PLEK: variants seen among roughly 807,000 people sequenced by gnomAD.
The protein encoded by PLEK is platelet 47 kDa protein.
Under a neutral mutation model 43.9 loss-of-function variants are expected in PLEK, and 25 were observed. That is an observed-to-expected ratio of 0.57 (90% CI 0.41 to 0.79). The LOEUF (loss-of-function observed/expected upper bound fraction) is 0.79. Ranked by LOEUF, PLEK falls within the 30% of genes least tolerant of loss-of-function variation. The pLI, the probability that PLEK is intolerant of heterozygous loss-of-function variation, is 0.00. For synonymous variants in PLEK, 152 were observed against 144.4 expected (o/e 1.05, Z -0.38); for missense variants, 396 against 413.3 (o/e 0.96, Z 0.36).
At chr2:68,365,794 T>C (rs1222978586) in intron 1 of PLEK, among the ~76,000 whole-genome samples, 3 of 152,186 alleles carry the variant, frequency 2.0e-5, no homozygotes, top group East Asian at 1.9e-4. Flanking sequence ...AGTTCTTTTT[T>C]TGGGAGGCAA....
intron 3 of PLEK, among the ~76,000 whole-genome samples, chr2:68,382,207 C>A (rs1291438368): frequency 6.6e-6 from 1 of 152,120 alleles, no homozygotes; most frequent in African/African-American, 2.4e-5. Flanking sequence ...ACCCTAGGAA[C>A]CTTTCATCTT....
At chr2:68,376,660 T>C (rs914875969) in intron 1 of PLEK, among the ~76,000 whole-genome samples, 1 of 152,182 alleles carries the variant, frequency 6.6e-6, no homozygotes, top group Admixed American at 6.5e-5. Flanking sequence ...TAGGTATATG[T>C]ATTTATAGGG....
At chr2:68,375,081 T>C (rs1673477467) in intron 1 of PLEK, among the ~76,000 whole-genome samples, 1 of 152,178 alleles carries the variant, frequency 6.6e-6, no homozygotes, top group South Asian at 2.1e-4. Context: ...AAAGGACATA[T>C]ATGTGTTTAG....
chr2:68,373,627 T>C (rs375097269), intron 1 of PLEK, among the ~76,000 whole-genome samples: 58 of 151,710 alleles, frequency 3.8e-4, no homozygotes, highest in Middle Eastern at 3.5e-3. Context: ...ATTGGACAGT[T>C]GGCTCCAGAG....
chr2:68,367,340 G>A (rs551778815), intron 1 of PLEK, among the ~76,000 whole-genome samples: 28 of 152,028 alleles, frequency 1.8e-4, no homozygotes, highest in African/African-American at 6.8e-4. Flanking sequence ...CCTGTGACAG[G>A]CGTTTGTTGT....
rs1308129633 is a variant in PLEK, at chr2:68,380,905, G to T, written c.380+1G>T. 6.2e-7 allele frequency: 1 copy of T among 1,611,202 alleles called. No individual in the cohort carries two copies. The highest frequency in any genetic ancestry group is 1.7e-5 in the Admixed American group (1 of 59,638). ...GACTGCCAGAAACCATTGACTTAGGGTGATTTTCTGTGTTTACTTCTCTTT... is the reference window on the plus strand; with the variant it reads ...GACTGCCAGAAACCATTGACTTAGGTTGATTTTCTGTGTTTACTTCTCTTT... On this transcript the variant is annotated splice_donor_variant, in intron 3 of 8. Coordinates refer to ENST00000234313, the MANE Select transcript of PLEK (RefSeq NM_002664.3). LOFTEE classifies it high-confidence loss of function.
intron 6 of PLEK, 124 bp from the exon 7 acceptor site, chr2:68,393,038 G>T: frequency 1.4e-6 from 1 of 735,008 alleles, no homozygotes; most frequent in Admixed American, 1.9e-5. Context: ...TGTTATCCTG[G>T]AGTTAGTATT....
At chr2:68,371,566 A>G (rs1044027132) in intron 1 of PLEK, among the ~76,000 whole-genome samples, 2 of 152,228 alleles carry the variant, frequency 1.3e-5, no homozygotes, top group Admixed American at 1.3e-4. Flanking sequence ...TCATCTCCCA[A>G]CAAAGCTGAG....
rs769177400 is a variant in PLEK, at chr2:68,380,443, G to A, written c.158G>A (p.Ser53Asn). ...SPKGMIPLKG[S>N]TLTSPCQDFG... ...AAAGGAATGATCCCGCTGAAAGGGA[G>A]CACTCTGACTAGCCCTTGTCAAGAC... The change falls in exon 2 of 9, where the codon AGC becomes AAC. Residue 53 changes from serine to asparagine, a missense_variant. Coordinates refer to ENST00000234313, the MANE Select transcript of PLEK (RefSeq NM_002664.3). The A allele has an allele frequency of 1.2e-6, 2 of 1,613,990 alleles. No homozygotes were observed. The highest frequency in any genetic ancestry group is 2.2e-5 in the East Asian group (1 of 44,874).
intron 7 of PLEK, 102 bp from the exon 8 acceptor site, chr2:68,394,005 C>T: frequency 2.6e-6 from 2 of 768,906 alleles, no homozygotes; most frequent in African/African-American, 1.7e-5. Flanking sequence ...TTTGGGGGGC[C>T]CTGATCTATA....
chr2:68,386,371 T>A (rs1238428661), intron 4 of PLEK, 131 bp from the exon 5 acceptor site: 1 of 614,880 alleles, frequency 1.6e-6, no homozygotes, highest in Admixed American at 3.2e-5. Context: ...TTTTGTTTTC[T>A]CTTTCTTGAA....
At chr2:68,388,283 G>A in intron 5 of PLEK, 104 bp from the exon 6 acceptor site, 1 of 704,390 alleles carries the variant, frequency 1.4e-6, no homozygotes, top group South Asian at 1.6e-5. Flanking sequence ...GAGGAAAAAG[G>A]AGGAGGCTGC....
At chr2:68,371,081 C>T (rs1673391550) in intron 1 of PLEK, among the ~76,000 whole-genome samples, 1 of 152,130 alleles carries the variant, frequency 6.6e-6, no homozygotes, top group Non-Finnish European at 1.5e-5. Context: ...AGAGGGACAG[C>T]AGGCACCTTG....
At chr2:68,394,037 CA>C (rs1395583278) in intron 7 of PLEK, 69 bp from the exon 8 acceptor site, 1 of 1,007,328 alleles carries the variant, frequency 9.9e-7, no homozygotes, top group Non-Finnish European at 1.6e-6. Context: ...CTGGCTTTTT[CA>C]CCAAGAGGAT....
At position 68,377,698 on chromosome 2, in the gene PLEK, A is replaced by G. The variant is rs145506702; in HGVS notation, c.43-2630A>G. The stretch of plus-strand genomic sequence containing the variant: ...TCCTTTGTCAGATGGGTAGTTTGCA[A>G]ATATTTTCTGTCATTCTGTGGGTTG... On this transcript the variant is annotated intron_variant, in intron 1 of 8. Transcript: ENST00000234313. Among the ~76,000 whole-genome samples the G allele has an allele frequency of 3.7e-4, 56 of 152,238 alleles. No individual in the cohort carries two copies. The East Asian group carries it at 0.011, about 29-fold the overall frequency.
At chr2:68,381,133 C>CAGAGAG (rs10538878) in intron 3 of PLEK, among the ~76,000 whole-genome samples, 1 of 150,090 alleles carries the variant, frequency 6.7e-6, no homozygotes, top group African/African-American at 2.5e-5. Flanking sequence ...TACTGGGTAC[C>CAGAGAG]AGAGAGAGAG....
At chr2:68,381,836 G>A (rs758223834) in intron 3 of PLEK, among the ~76,000 whole-genome samples, 35 of 152,186 alleles carry the variant, frequency 2.3e-4, no homozygotes, top group Non-Finnish European at 3.7e-4. Context: ...GGCACCTAGT[G>A]CAGCTGCAGC....
At chr2:68,380,693 A>G in intron 2 of PLEK, 30 bp from the exon 3 acceptor site, 3 of 1,605,336 alleles carry the variant, frequency 1.9e-6, no homozygotes, top group African/African-American at 2.7e-5. Flanking sequence ...GAAATAAGCC[A>G]TTTCTAATGG....
At chr2:68,382,771 T>A in intron 4 of PLEK, 138 bp downstream of exon 4, 1 of 603,308 alleles carries the variant, frequency 1.7e-6, no homozygotes, top group Non-Finnish European at 3.0e-6. Flanking sequence ...AGCCTGAGGA[T>A]GAAGCTCCTA....
Sources: gnomAD v4.1 joint callset for allele counts (sites outside exome capture counted in the v4.1 genomes callset) on GRCh38, gnomAD v4.1.1 for gene constraint, MANE v1.5 for transcripts, NCBI Gene and HGNC (gene_info 2026-07-23, HGNC 2026-07-21) for gene names.